The following LAMA1 variants were observed in gnomAD, a reference collection of about 807,000 sequenced individuals.
LAMA1 encodes laminin subunit alpha-1.
A neutral mutation model predicts 348.7 loss-of-function variants in LAMA1; 219 were observed. The ratio of observed to expected loss-of-function variants is 0.63; its 90% CI spans 0.56 to 0.70. The LOEUF is 0.70. LAMA1 is among the 30% of genes least tolerant of loss of function. LAMA1 has a pLI of 0.00. For synonymous variants in LAMA1, 1,487 were observed against 1,491.0 expected, an observed-to-expected ratio of 1.00 and a Z score of 0.06; for missense variants, 3,744 against 3,888.0, an observed-to-expected ratio of 0.96 and a Z score of 0.99.
At chr18:6,947,437 C>G (rs1321093466) in intron 60 of LAMA1, 141 bp from the exon 61 acceptor site, 3 of 957,006 alleles carry the variant, frequency 3.1e-6, no homozygotes, top group African/African-American at 3.2e-5. Context: ...CAGGTCACTC[C>G]TGCCCTCTGA....
intron 3 of LAMA1, among the ~76,000 whole-genome samples, chr18:7,078,064 C>CA (rs1293065808): frequency 0.091 from 4,964 of 54,326 alleles, 410 homozygotes; most frequent in African/African-American, 0.25. Context: ...AACTCCGTCT[C>CA]AAAAAAAAAA....
chr18:6,989,835 A>C (rs541535652), intron 36 of LAMA1, among the ~76,000 whole-genome samples: 3 of 152,216 alleles, frequency 2.0e-5, no homozygotes, highest in Admixed American at 1.3e-4. Context: ...TCAGCCCCCC[A>C]CACATCTGAG....
intron 1 of LAMA1, among the ~76,000 whole-genome samples, chr18:7,115,743 G>A (rs1302635598): frequency 6.7e-6 from 1 of 150,026 alleles, no homozygotes; most frequent in Non-Finnish European, 1.5e-5. Flanking sequence ...GGCCGAGGTG[G>A]GCTGATCACG....
intron 61 of LAMA1, 84 bp from the exon 62 acceptor site, chr18:6,943,486 A>G (rs1451655983): frequency 1.1e-5 from 12 of 1,119,110 alleles, no homozygotes; most frequent in Non-Finnish European, 1.5e-5. Flanking sequence ...ATAAAATTGC[A>G]GCATTATGTT....
intron 12 of LAMA1, 61 bp downstream of exon 12, chr18:7,037,517 C>T: frequency 6.3e-7 from 1 of 1,590,976 alleles, no homozygotes; most frequent in Non-Finnish European, 8.6e-7. Context: ...AGCGCAAGTT[C>T]TTTCTCAGTG....
chr18:7,089,234 A>G (rs1049856586), intron 1 of LAMA1, among the ~76,000 whole-genome samples: 14 of 152,142 alleles, frequency 9.2e-5, no homozygotes, highest in Non-Finnish European at 1.8e-4. Context: ...ACAAAAAATT[A>G]GCCAGACGTG....
Position 7,024,438 on chromosome 18 carries a change from C to T in LAMA1, c.2431G>A (p.Gly811Arg), listed in dbSNP as rs754763523. The change falls in exon 18 of 63, where the codon GGA becomes AGA. Residue 811 changes from glycine (G) to arginine (R), a missense_variant. Coordinates refer to ENST00000389658, the MANE Select transcript of LAMA1 (RefSeq NM_005559.4). ...NFSPTCHLNDGDEVVCDWCAP... is the reference protein window; with the variant it reads ...NFSPTCHLNDRDEVVCDWCAP... The stretch of plus-strand genomic sequence containing the variant: ...CACCAGTCACAGACCACTTCATCTC[C>T]ATCATTGAGGTGGCAGGTGGGGCTG... 2.7e-5 allele frequency: 43 copies of T among 1,613,890 alleles called. No individual in the cohort carries two copies. Among genetic ancestry groups the T allele is most frequent in the African/African-American group, 6.7e-5 (5 of 74,930 alleles).
chr18:7,004,952 C>G (rs371561462), intron 29 of LAMA1, among the ~76,000 whole-genome samples: 1 of 152,170 alleles, frequency 6.6e-6, no homozygotes, highest in African/African-American at 2.4e-5. Flanking sequence ...AGTGACAGGG[C>G]AGGTATGACT....
rs1318050918 is a variant in LAMA1, at chr18:6,985,363, G to A, written c.5534C>T (p.Ser1845Phe). 1.2e-6 allele frequency: 2 copies of A among 1,614,090 alleles called. No homozygotes were observed. Among genetic ancestry groups the A allele is most frequent in the East Asian group, 2.2e-5 (1 of 44,902 alleles). Residue 1845 changes from serine to phenylalanine, a missense_variant, in exon 39 of 63, where the codon TCT becomes TTT. Ser to Phe is a radical substitution (Grantham distance 155). Around this residue, in one of 3 missense-constraint regions of LAMA1, gnomAD observed 1,983 missense variants for 1,934.3 expected, o/e 1.03. Coordinates refer to ENST00000389658, the MANE Select transcript of LAMA1 (RefSeq NM_005559.4). ...ATCTATGTGGTGCCTGATTTTGGCA[G>A]ACCATAAAAGTAGCTTATCCTGGTG... ...EDHQDKLLLWSAKIRHHIDDL... is the reference protein window; with the variant it reads ...EDHQDKLLLWFAKIRHHIDDL...
chr18:7,095,427 C>T (rs2058257203), intron 1 of LAMA1, among the ~76,000 whole-genome samples: 1 of 152,198 alleles, frequency 6.6e-6, no homozygotes, highest in Non-Finnish European at 1.5e-5. Context: ...GATGTACACA[C>T]AGAACAGTGA....
chr18:6,951,249 A>G (rs1440401973), intron 57 of LAMA1, among the ~76,000 whole-genome samples: 1 of 152,224 alleles, frequency 6.6e-6, no homozygotes, highest in East Asian at 1.9e-4. Context: ...CAGACAGTAA[A>G]GTGGGTCCTG....
intron 14 of LAMA1, 45 bp downstream of exon 14, chr18:7,034,434 G>A: frequency 7.3e-7 from 1 of 1,370,338 alleles, no homozygotes; most frequent in Non-Finnish European, 1.0e-6. Context: ...AACATAAAAT[G>A]GAAGTACCTT....
chr18:7,052,778 C>A (rs7234472), intron 3 of LAMA1, among the ~76,000 whole-genome samples: 2,479 of 151,384 alleles, frequency 0.016, 71 homozygotes, highest in African/African-American at 0.057. Context: ...AATCCCAGCA[C>A]TTTGGGAGAC....
chr18:7,094,234 C>T (rs1445646957), intron 1 of LAMA1, among the ~76,000 whole-genome samples: 2 of 151,806 alleles, frequency 1.3e-5, no homozygotes, highest in South Asian at 2.1e-4. Context: ...ACCATCCTGG[C>T]TAACACAGTG....
chr18:7,111,551 T>C (rs181526337), intron 1 of LAMA1, among the ~76,000 whole-genome samples: 4 of 152,318 alleles, frequency 2.6e-5, no homozygotes, highest in African/African-American at 7.2e-5. Context: ...AATCCAGCTA[T>C]CGTGTGGCGT....
intron 5 of LAMA1, 119 bp downstream of exon 5, chr18:7,048,959 G>T: frequency 1.0e-6 from 1 of 1,004,292 alleles, no homozygotes; most frequent in Non-Finnish European, 1.5e-6. Flanking sequence ...CTGCTGGCAA[G>T]AAAAAAGGCC....
At chr18:6,991,570 T>C (rs1251803459) in intron 36 of LAMA1, among the ~76,000 whole-genome samples, 1 of 152,050 alleles carries the variant, frequency 6.6e-6, no homozygotes, top group Non-Finnish European at 1.5e-5. Flanking sequence ...TTTGTATTTT[T>C]AGTAGAGACG....
intron 5 of LAMA1, among the ~76,000 whole-genome samples, chr18:7,046,667 CA>C (rs1325605018): frequency 6.6e-6 from 1 of 152,076 alleles, no homozygotes; most frequent in African/African-American, 2.4e-5. Context: ...AAATAATTGG[CA>C]AATTGAATAC....
At chr18:6,991,287 T>C (rs910500360) in intron 36 of LAMA1, among the ~76,000 whole-genome samples, 12 of 150,234 alleles carry the variant, frequency 8.0e-5, no homozygotes, top group African/African-American at 2.9e-4. Flanking sequence ...CTGGTGGCAG[T>C]GAACATTGTT....
Sources: gnomAD v4.1 joint callset for allele counts (sites outside exome capture counted in the v4.1 genomes callset) on GRCh38, gnomAD v4.1.1 for gene constraint, gnomAD v4.1.1 regional missense constraint, MANE v1.5 for transcripts, NCBI Gene and HGNC (gene_info 2026-07-23, HGNC 2026-07-21) for gene names.